Variants in AK8 observed in about 807,000 individuals in gnomAD.
AK8 encodes the protein adenylate kinase 8, also known as ATP-AMP transphosphorylase 8.
AK8 carries 44 observed loss-of-function variants against 54.6 expected under a neutral mutation model. The observed-to-expected ratio is 0.81, with a 90% CI of 0.63 to 1.04. AK8 has a LOEUF of 1.04. Ranked by LOEUF, AK8 falls within the 50% of genes least tolerant of loss-of-function variation. The pLI is 0.00. For synonymous variants in AK8, 239 were observed against 245.6 expected (o/e 0.97, Z 0.25); for missense variants, 555 against 613.6 (o/e 0.90, Z 1.01).
At chr9:132,840,463 G>T (rs972188618) in intron 5 of AK8, among the ~76,000 whole-genome samples, 1 of 150,928 alleles carries the variant, frequency 6.6e-6, no homozygotes, top group Non-Finnish European at 1.5e-5. Flanking sequence ...AAGTGAACAG[G>T]CATGAGGAAG....
At chr9:132,765,849 C>A (rs1838704607) in intron 11 of AK8, among the ~76,000 whole-genome samples, 1 of 152,032 alleles carries the variant, frequency 6.6e-6, no homozygotes, top group Admixed American at 6.6e-5. Context: ...AGCAATTAGA[C>A]ACAAAAAAGA....
intron 11 of AK8, among the ~76,000 whole-genome samples, chr9:132,777,331 C>T (rs531259281): frequency 1.3e-5 from 2 of 152,278 alleles, no homozygotes; most frequent in South Asian, 2.1e-4. Flanking sequence ...AATCCTCTCA[C>T]CTGATGCCCC....
intron 11 of AK8, among the ~76,000 whole-genome samples, chr9:132,773,239 C>T (rs991476540): frequency 6.6e-6 from 1 of 152,164 alleles, no homozygotes; most frequent in African/African-American, 2.4e-5. Context: ...ACCACTCTTC[C>T]CTACATCTGT....
chr9:132,805,115 G>C (rs1840658248), intron 10 of AK8, among the ~76,000 whole-genome samples: 1 of 152,216 alleles, frequency 6.6e-6, no homozygotes, highest in Non-Finnish European at 1.5e-5. Context: ...TCCAGGGTCA[G>C]GCCTGTCAGA....
intron 5 of AK8, among the ~76,000 whole-genome samples, chr9:132,841,037 G>A (rs188489008): frequency 2.8e-4 from 43 of 152,298 alleles, no homozygotes; most frequent in African/African-American, 8.4e-4. Context: ...GTGGACCTCC[G>A]GGCTGGGCAC....
chr9:132,800,582 TG>T (rs1459422388), intron 10 of AK8, among the ~76,000 whole-genome samples: 1 of 152,212 alleles, frequency 6.6e-6, no homozygotes, highest in African/African-American at 2.4e-5. Flanking sequence ...ATGCCTTCCA[TG>T]GTTTTCTTAG....
At chr9:132,794,174 A>G (rs1840057273) in intron 10 of AK8, among the ~76,000 whole-genome samples, 1 of 152,196 alleles carries the variant, frequency 6.6e-6, no homozygotes. Flanking sequence ...TCCCTAGGAA[A>G]GAGCAGAAAA....
chr9:132,868,611 G>T (rs547847376), intron 2 of AK8, among the ~76,000 whole-genome samples: 2 of 152,158 alleles, frequency 1.3e-5, no homozygotes, highest in African/African-American at 2.4e-5. Flanking sequence ...GTGAATGTCA[G>T]CCCACTACTG....
At chr9:132,780,903 G>A (rs1450776931) in intron 11 of AK8, among the ~76,000 whole-genome samples, 2 of 152,104 alleles carry the variant, frequency 1.3e-5, no homozygotes. Flanking sequence ...AGACCTTGTG[G>A]GGGAGGGTTA....
chr9:132,849,808 T>C (rs1399229479), intron 5 of AK8, among the ~76,000 whole-genome samples: 3 of 148,708 alleles, frequency 2.0e-5, no homozygotes, highest in African/African-American at 7.5e-5. Flanking sequence ...AGTGCCGTGG[T>C]GCGTGTCGGC....
rs1044471867 is a variant in AK8 at position 132,826,063 on chromosome 9, C to T, written c.757+791G>A. 1.3e-5 allele frequency among the ~76,000 whole-genome samples: 2 copies of T among 152,158 alleles called. No homozygotes were observed. Among genetic ancestry groups the T allele is most frequent in the South Asian group, 2.1e-4 (1 of 4,824 alleles). ...TGTTGAACAATGATAGGAGCTATGA[C>T]GACTGATGTTTATTGAGGCTTTTCT... On this transcript the variant is annotated intron_variant, in intron 8 of 12. Coordinates refer to ENST00000298545, the MANE Select transcript of AK8 (RefSeq NM_152572.3). This position sits in a 1 kb window ranked among gnomAD's most constrained non-coding sequence, Gnocchi z 4.5.
At chr9:132,743,723 C>A (rs568447252) in intron 11 of AK8, among the ~76,000 whole-genome samples, 1 of 152,150 alleles carries the variant, frequency 6.6e-6, no homozygotes, top group African/African-American at 2.4e-5. Flanking sequence ...TCCTACCTGC[C>A]GGGCACTGGT....
In AK8 at chr9:132,828,077, C is replaced by A. The variant is rs1170622699; in HGVS notation, c.492G>T (p.Leu164=). Residue 164 remains leucine (L), a synonymous_variant, in exon 7 of 13, where the codon CTG becomes CTT. Transcript: ENST00000298545. ...LGITPRHVIV[L]SAPDTVLIER... ...CGATCAGGACCGTGTCTGGAGCACT[C>A]AGCACAACTGGGCAGAGAAGAAAAG... The A allele has an allele frequency of 1.3e-6, 2 of 1,570,748 alleles. No individual in the cohort carries two copies. Among genetic ancestry groups the A allele is most frequent in the East Asian group, 4.7e-5 (2 of 42,936 alleles).
At position 132,732,039 on chromosome 9, in the gene AK8, C is replaced by T. The variant is rs185010295; in HGVS notation, c.1122-4505G>A. Among the ~76,000 whole-genome samples the T allele has an allele frequency of 7.2e-4, 109 of 152,130 alleles. No individual in the cohort carries two copies. The Middle Eastern group carries it at 0.02, about 28-fold the overall frequency. On this transcript the variant is annotated intron_variant, in intron 11 of 12. Transcript: ENST00000298545. ...TTCATCTGCTCAAAACTGTAATACC[C>T]GTGTGATAGTTATTAGTGTACCTGA...
intron 9 of AK8, among the ~76,000 whole-genome samples, chr9:132,816,047 A>G (rs1382471733): frequency 6.6e-6 from 1 of 152,220 alleles, no homozygotes; most frequent in Non-Finnish European, 1.5e-5. Context: ...CAAAGGACAT[A>G]TAAGTGAGAA....
chr9:132,820,012 G>A (rs1357136865), intron 9 of AK8, among the ~76,000 whole-genome samples: 1 of 151,848 alleles, frequency 6.6e-6, no homozygotes, highest in Non-Finnish European at 1.5e-5. Flanking sequence ...AAAATTAGCT[G>A]AGCATGGTGG....
At chr9:132,761,087 T>C (rs991775127) in intron 11 of AK8, among the ~76,000 whole-genome samples, 1 of 152,176 alleles carries the variant, frequency 6.6e-6, no homozygotes, top group African/African-American at 2.4e-5. Flanking sequence ...TTTTCTGTTT[T>C]CTGAAAAGAG....
intron 5 of AK8, 84 bp downstream of exon 5, chr9:132,854,773 C>T: frequency 1.4e-6 from 2 of 1,438,754 alleles, no homozygotes; most frequent in African/African-American, 1.4e-5. Context: ...TGCCTCTGGT[C>T]ATCTCTGGTC....
chr9:132,750,852 T>C (rs1170288054), intron 11 of AK8, among the ~76,000 whole-genome samples: 2 of 151,884 alleles, frequency 1.3e-5, no homozygotes, highest in Non-Finnish European at 2.9e-5. Flanking sequence ...CCTCGATTTG[T>C]GGGGGTAAAG....
Sources: allele counts gnomAD v4.1 joint callset (sites outside exome capture counted in the v4.1 genomes callset), GRCh38; gene constraint gnomAD v4.1.1; non-coding constraint Gnocchi (gnomAD v3.1); transcripts MANE v1.5; gene names NCBI Gene and HGNC (gene_info 2026-07-23, HGNC 2026-07-21).